Variants in ATP2C1 observed in about 807,000 individuals in gnomAD.
ATP2C1 encodes calcium-transporting ATPase type 2C member 1.
A neutral mutation model predicts 120.5 loss-of-function variants in ATP2C1; 31 were observed. That is an observed-to-expected ratio of 0.26 (90% CI 0.19 to 0.35). ATP2C1 has a LOEUF of 0.35. Ranked by LOEUF, ATP2C1 falls within the 10% of genes least tolerant of loss-of-function variation. The pLI, the probability that ATP2C1 is intolerant of heterozygous loss-of-function variation, is 1.00. For synonymous variants in ATP2C1, 351 were observed against 358.7 expected (o/e 0.98, Z 0.24); for missense variants, 731 against 1,107.5 (o/e 0.66, Z 4.83).
At chr3:130,887,046 C>T (rs1416967161) in intron 1 of ATP2C1, among the ~76,000 whole-genome samples, 1 of 152,156 alleles carries the variant, frequency 6.6e-6, no homozygotes, top group East Asian at 1.9e-4. Flanking sequence ...TGAGGGGGCA[C>T]CTCAAGCCTA....
At chr3:131,005,890 A>G (rs2108996713), downstream of ATP2C1, among the ~76,000 whole-genome samples, 1 of 152,282 alleles carries the variant, frequency 6.6e-6, no homozygotes, top group South Asian at 2.1e-4. Context: ...ACTGATCTGA[A>G]TTACTGGTAG....
Position 130,910,932 on chromosome 3 carries a change from G to A in ATP2C1, c.6+16157G>A, listed in dbSNP as rs1173914661. On this transcript the variant is annotated intron_variant, in intron 2 of 27. Transcript: ENST00000510168. ...CTCTTTTTTGGTTGTGTCTCTGCCC[G>A]GCTTTGGTATCAGAATGATGCTGGC... 2.5e-5 allele frequency among the ~76,000 whole-genome samples: 3 copies of A among 118,710 alleles called. 1 individual carries two copies. Among genetic ancestry groups the A allele is most frequent in the East Asian group, 4.9e-4 (2 of 4,080 alleles). 77.9% of individuals were successfully genotyped at this position (118,710 alleles called of 152,430 possible).
chr3:131,016,710 A>G, downstream of ATP2C1: 1 of 319,926 alleles, frequency 3.1e-6, no homozygotes, highest in Non-Finnish European at 6.0e-6. Flanking sequence ...TCTTTCACCG[A>G]AACTCCCAAG....
chr3:130,963,814 G>C (rs978948238), intron 12 of ATP2C1, 157 bp from the exon 13 acceptor site: 2 of 861,620 alleles, frequency 2.3e-6, no homozygotes, highest in East Asian at 5.5e-5. Context: ...TAGGTATCCA[G>C]TAAATGTTAA....
At chr3:130,999,460 TAAAG>T in intron 26 of ATP2C1, 54 bp from the exon 27 acceptor site, 2 of 1,574,128 alleles carry the variant, frequency 1.3e-6, no homozygotes, top group South Asian at 1.1e-5. Context: ...GTGAATATAA[TAAAG>T]AAGTTATTTC....
At chr3:130,989,582 A>AC (rs2062213210) in intron 20 of ATP2C1, among the ~76,000 whole-genome samples, 1 of 151,710 alleles carries the variant, frequency 6.6e-6, no homozygotes, top group African/African-American at 2.4e-5. Context: ...AAAAAAAAAA[A>AC]ACACAAACCC....
intron 16 of ATP2C1, among the ~76,000 whole-genome samples, chr3:130,968,392 C>G (rs1408745871): frequency 6.6e-6 from 1 of 152,058 alleles, no homozygotes; most frequent in Admixed American, 6.6e-5. Context: ...AAAAGGCAGT[C>G]CAAGACAGCA....
At chr3:130,902,283 CGTTTTTTTTTTTTGTT>C (rs2057874275) in intron 2 of ATP2C1, among the ~76,000 whole-genome samples, 3 of 80,938 alleles carry the variant, frequency 3.7e-5, no homozygotes, top group East Asian at 3.3e-4. Context: ...CAAGGCTTCA[CGTTTTTTTTTTTTGTT>C]TTTTTTTTTT....
At chr3:130,871,627 C>T (rs1052590128) in intron 1 of ATP2C1, among the ~76,000 whole-genome samples, 1 of 152,200 alleles carries the variant, frequency 6.6e-6, no homozygotes, top group South Asian at 2.1e-4. Context: ...AAGTCATTGT[C>T]AAAGCCAGAG....
rs576352819 is a variant in ATP2C1, at chr3:131,001,504, C to T, written c.*154C>T. Reference sequence around the variant, plus strand: ...GTTAAAGACTTAAGACTTTAACCTGCTGGCAGTCCCAAATGAAATTATGCA... The same window carrying T: ...GTTAAAGACTTAAGACTTTAACCTGTTGGCAGTCCCAAATGAAATTATGCA... On this transcript the variant is annotated 3_prime_UTR_variant, in exon 28 of 28. Transcript: ENST00000510168. 3.0e-6 allele frequency: 4 copies of T among 1,319,960 alleles called. No individual in the cohort carries two copies. The allele number at this position is 1,319,960 out of a possible 1,614,324, so 81.8% of individuals were successfully genotyped here. A position where few individuals can be genotyped will look rare whatever the true frequency, so the allele number is the denominator to read the frequency against.
At chr3:131,007,137 A>G (rs755784262), downstream of ATP2C1, among the ~76,000 whole-genome samples, 6 of 152,216 alleles carry the variant, frequency 3.9e-5, no homozygotes, top group Admixed American at 6.5e-5. Context: ...GTTTGGGGAG[A>G]AAAGTGAAAA....
At chr3:130,973,200 C>A (rs967455845) in intron 17 of ATP2C1, among the ~76,000 whole-genome samples, 4 of 151,976 alleles carry the variant, frequency 2.6e-5, no homozygotes, top group Admixed American at 1.3e-4. Context: ...GAAAATTTTC[C>A]AGAATGAAAA....
exon 1 of ATP2C1, chr3:130,850,912 A>G (rs1453290591): frequency 5.0e-6 from 7 of 1,410,730 alleles, no homozygotes; most frequent in African/African-American, 1.5e-5. Context: ...CTGAGAAACC[A>G]AAGAGCCGAA....
At chr3:130,984,620 G>A (rs914146864) in intron 20 of ATP2C1, among the ~76,000 whole-genome samples, 7 of 152,166 alleles carry the variant, frequency 4.6e-5, no homozygotes, top group Non-Finnish European at 1.0e-4. Flanking sequence ...TTCAGAGAGA[G>A]CCAATCATAG....
At chr3:130,999,771 G>T in intron 27 of ATP2C1, 112 bp downstream of exon 27, 1 of 1,066,440 alleles carries the variant, frequency 9.4e-7, no homozygotes, top group South Asian at 1.5e-5. Context: ...TAACTCACTT[G>T]ATTTGAAAAA....
chr3:130,868,928 C>G lies in ATP2C1; in HGVS notation c.108+18000C>G, dbSNP rs2068319475. 1.2e-5 allele frequency: 2 copies of G among 161,392 alleles called. 1 individual carries two copies. Among genetic ancestry groups the G allele is most frequent in the Non-Finnish European group, 2.7e-5 (2 of 75,468 alleles). The allele number at this position is 161,392 out of a possible 1,614,324, so 10.0% of individuals were successfully genotyped here. A position where few individuals can be genotyped will look rare whatever the true frequency, so the allele number is the denominator to read the frequency against. ...CCACCACCCCGTCTGGGAGGTGTGC[C>G]CAGCGGCTCATTGGGGATGGGCCAT... is the stretch of plus-strand genomic sequence containing the variant. On this transcript the variant is annotated intron_variant, in intron 1 of 26. Transcript: ENST00000504381.
chr3:130,856,764 C>T (rs1244145800), intron 1 of ATP2C1, among the ~76,000 whole-genome samples: 1 of 152,116 alleles, frequency 6.6e-6, no homozygotes, highest in African/African-American at 2.4e-5. Context: ...TTGACCTTGC[C>T]CCCTGTGCTT....
At chr3:130,893,831 A>T (rs1427501996), upstream of ATP2C1, 1 of 679,462 alleles carries the variant, frequency 1.5e-6, no homozygotes, top group African/African-American at 2.0e-5. Flanking sequence ...CAGCAAGAAC[A>T]AGGCGGGCCA....
chr3:130,902,284 GTTTTTTTTTTTTGTTTTTTT>G lies in ATP2C1; in HGVS notation c.6+7522_6+7541del, dbSNP rs1284104385. ...TTAACTGCTAATTTCAAGGCTTCAC[GTTTTTTTTTTTTGTTTTTTT>G]TTTTTTTTTTTTTTTTTTCTGAGAG... is the stretch of plus-strand genomic sequence containing the variant. On this transcript the variant is annotated intron_variant, in intron 2 of 27. Coordinates refer to ENST00000510168, the MANE Select transcript of ATP2C1 (RefSeq NM_001378687.1). Among the ~76,000 whole-genome samples the G allele has an allele frequency of 3.9e-3, 258 of 65,510 alleles. 3 individuals carry two copies. The highest frequency in any genetic ancestry group is 0.014 in the African/African-American group (249 of 17,744). The allele number at this position is 65,510 out of a possible 152,430, so 43.0% of individuals were successfully genotyped here.
Sources: gnomAD v4.1 joint callset for allele counts (sites outside exome capture counted in the v4.1 genomes callset) on GRCh38, gnomAD v4.1.1 for gene constraint, MANE v1.5 for transcripts, NCBI Gene and HGNC (gene_info 2026-07-23, HGNC 2026-07-21) for gene names.